The following FBXO6 variants were observed in gnomAD, a reference collection of about 807,000 sequenced individuals.
FBXO6 encodes the protein F-box only protein 6.
Under a neutral mutation model 25.0 loss-of-function variants are expected in FBXO6, and 13 were observed. The ratio of observed to expected loss-of-function variants is 0.52; its 90% confidence interval spans 0.34 to 0.83. The LOEUF is 0.83. FBXO6 is among the 40% of genes least tolerant of loss of function. The pLI, the probability that FBXO6 is intolerant of heterozygous loss-of-function variation, is 0.02. For synonymous variants in FBXO6, 138 were observed against 155.3 expected, an observed-to-expected ratio of 0.89 and a Z score of 0.83; for missense variants, 370 against 380.2, an observed-to-expected ratio of 0.97 and a Z score of 0.22.
At chr1:11,666,854 G>T (rs1557670802) in intron 1 of FBXO6, among the ~76,000 whole-genome samples, 1 of 152,056 alleles carries the variant, frequency 6.6e-6, no homozygotes, top group East Asian at 1.9e-4. Flanking sequence ...ATCAGAAGAG[G>T]CCACAGCAAA....
At chr1:11,670,642 G>C (rs1222088264) in intron 2 of FBXO6, among the ~76,000 whole-genome samples, 6 of 151,444 alleles carry the variant, frequency 4.0e-5, no homozygotes, top group Admixed American at 2.6e-4. Context: ...AAAAAAAGGG[G>C]GGGGGGGTGT....
At position 11,667,505 on chromosome 1, in the gene FBXO6, C is replaced by T. The variant is rs369565006; in HGVS notation, c.-3-1151C>T. ...TTGGTCCTCCTGGCCCTTCCAGGGTCGGGACAGTTACCCCCTCCTTTTCAC... is the reference window on the plus strand; with the variant it reads ...TTGGTCCTCCTGGCCCTTCCAGGGTTGGGACAGTTACCCCCTCCTTTTCAC... On this transcript the variant is annotated intron_variant, in intron 1 of 5. Transcript: ENST00000376753. 3.2e-3 allele frequency among the ~76,000 whole-genome samples: 484 copies of T among 152,270 alleles called. 2 individuals carry two copies. The highest frequency in any genetic ancestry group is 0.011 in the African/African-American group (465 of 41,558).
chr1:11,671,325 C>G lies in FBXO6; in HGVS notation c.346C>G (p.Leu116Val). 1.9e-6 allele frequency: 3 copies of G among 1,614,130 alleles called. No individual in the cohort carries two copies. The highest frequency in any genetic ancestry group is 2.5e-6 in the Non-Finnish European group (3 of 1,180,002). ...TGGGGACCGCTGGAAGGTGGAGAGCCTCCCTGGAGCCCACGGGACAGATTT... is the reference window on the plus strand; with the variant it reads ...TGGGGACCGCTGGAAGGTGGAGAGCGTCCCTGGAGCCCACGGGACAGATTT... ...NGGDRWKVES[L>V]PGAHGTDFPD... Residue 116 changes from leucine to valine, a missense_variant, in exon 3 of 6, where the codon CTC becomes GTC. Physicochemically the swap from Leu to Val is conservative, Grantham distance 32. Transcript: ENST00000376753.
chr1:11,669,504 A>T (rs1037213902), intron 2 of FBXO6, among the ~76,000 whole-genome samples: 2 of 149,294 alleles, frequency 1.3e-5, no homozygotes, highest in African/African-American at 2.5e-5. Flanking sequence ...GAATTTCCTT[A>T]TTTTTTTCTG....
rs574356157 is a variant in FBXO6 at position 11,674,087 on chromosome 1, G to A, written c.*236G>A. 7 of 476,036 alleles carry A rather than the reference G, an allele frequency of 1.5e-5. No individual in the cohort carries two copies. The highest frequency in any genetic ancestry group is 1.2e-3 in the Middle Eastern group (2 of 1,656). 29.5% of individuals were successfully genotyped at this position (476,036 alleles called of 1,614,324 possible). On this transcript the variant is annotated 3_prime_UTR_variant, in exon 6 of 6. Coordinates refer to ENST00000376753, the MANE Select transcript of FBXO6 (RefSeq NM_018438.6). The surrounding 1 kb of genome is among the most constrained non-coding windows in gnomAD (Gnocchi z 6.1). ...TGGGAGACCGAGGCAGGTGGATCACGAGGTCAGGAGATAGAGACCATCCTG... is the reference window on the plus strand; with the variant it reads ...TGGGAGACCGAGGCAGGTGGATCACAAGGTCAGGAGATAGAGACCATCCTG...
intron 1 of FBXO6, among the ~76,000 whole-genome samples, chr1:11,665,124 A>C (rs1182278428): frequency 1.3e-5 from 2 of 151,428 alleles, no homozygotes; most frequent in Non-Finnish European, 2.9e-5. Flanking sequence ...GGCTCACTGC[A>C]GCCTCGACTT....
intron 1 of FBXO6, 155 bp downstream of exon 1, chr1:11,664,410 G>T (rs1321861125): frequency 6.6e-6 from 1 of 151,296 alleles, no homozygotes; most frequent in Non-Finnish European, 1.5e-5. Flanking sequence ...CTGGAGCTCC[G>T]CCGCTGCGCC....
intron 4 of FBXO6, among the ~76,000 whole-genome samples, chr1:11,672,309 C>T (rs190201675): frequency 1.2e-3 from 184 of 151,398 alleles, no homozygotes; most frequent in African/African-American, 3.9e-3. Flanking sequence ...TTTTTTGAGA[C>T]GGAGTCTCGC....
chr1:11,664,570 G>A (rs992395889), intron 1 of FBXO6: 65 of 151,996 alleles, frequency 4.3e-4, no homozygotes, highest in African/African-American at 1.5e-3. Context: ...TGGGGGCCTG[G>A]CCCCGGGGCC....
Position 11,674,001 on chromosome 1 carries a change from T to C in FBXO6, c.*150T>C. ...ACTTACTGTCACATAGCTCTGACGT[T>C]TTGTTGTAATAAATGTTTTCAGGCC... is the stretch of plus-strand genomic sequence containing the variant. On this transcript the variant is annotated 3_prime_UTR_variant, in exon 6 of 6. Coordinates refer to ENST00000376753, the MANE Select transcript of FBXO6 (RefSeq NM_018438.6). This position sits in a 1 kb window ranked among gnomAD's most constrained non-coding sequence, Gnocchi z 6.1. 1 of 679,696 alleles carries C rather than the reference T, an allele frequency of 1.5e-6. No individual in the cohort carries two copies. The highest frequency in any genetic ancestry group is 2.6e-6 in the Non-Finnish European group (1 of 390,568). 42.1% of individuals were successfully genotyped at this position (679,696 alleles called of 1,614,324 possible).
chr1:11,668,956 G>C lies in FBXO6; in HGVS notation c.286+12G>C. Reference sequence around the variant, plus strand: ...CCCGTGTGCTGAAGGTGGCATGGGGGCAGGGTGGAGGCTGCCACCAGGCTC... The same window carrying C: ...CCCGTGTGCTGAAGGTGGCATGGGGCCAGGGTGGAGGCTGCCACCAGGCTC... On this transcript the variant is annotated intron_variant, in intron 2 of 5. Transcript: ENST00000376753. 6.2e-7 allele frequency: 1 copy of C among 1,611,358 alleles called. No homozygotes were observed. The highest frequency in any genetic ancestry group is 8.5e-7 in the Non-Finnish European group (1 of 1,177,854).
intron 1 of FBXO6, 58 bp downstream of exon 1, chr1:11,664,313 C>A (rs1224583625): frequency 2.8e-5 from 4 of 142,414 alleles, no homozygotes; most frequent in Admixed American, 7.0e-5. Flanking sequence ...CAGCGGGGTC[C>A]GGGGCGGGGG....
At chr1:11,670,737 G>C (rs140934965) in intron 2 of FBXO6, among the ~76,000 whole-genome samples, 1 of 151,936 alleles carries the variant, frequency 6.6e-6, no homozygotes, top group Non-Finnish European at 1.5e-5. Context: ...GATTACAGGC[G>C]CAAGCCACCG....
chr1:11,672,118 G>C, intron 4 of FBXO6, 95 bp downstream of exon 4: 1 of 1,123,796 alleles, frequency 8.9e-7, no homozygotes, highest in Non-Finnish European at 1.3e-6. Context: ...TGCCCACTCT[G>C]CACAGCAGTG....
chr1:11,669,203 C>T lies in FBXO6; in HGVS notation c.286+259C>T, dbSNP rs984207267. On this transcript the variant is annotated intron_variant, in intron 2 of 5. Coordinates refer to ENST00000376753, the MANE Select transcript of FBXO6 (RefSeq NM_018438.6). Reference sequence around the variant, plus strand: ...ACTTTTCACAAGGCGCGGTGGCTCACGCCTGTAATCCCGGCACTTTGGGAG... The same window carrying T: ...ACTTTTCACAAGGCGCGGTGGCTCATGCCTGTAATCCCGGCACTTTGGGAG... Among the ~76,000 whole-genome samples the T allele has an allele frequency of 7.2e-5, 11 of 152,330 alleles. 1 individual carries two copies. Among genetic ancestry groups the T allele is most frequent in the South Asian group, 4.1e-4 (2 of 4,828 alleles).
Position 11,673,489 on chromosome 1 carries a change from G to C in FBXO6, c.645+77G>C. 1 of 1,586,432 alleles carries C rather than the reference G, an allele frequency of 6.3e-7. No homozygotes were observed. The highest frequency in any genetic ancestry group is 1.1e-5 in the South Asian group (1 of 87,012). ...GGCAGGAAGCAAAGGGCAGCCTCAG[G>C]GCCCAGGGTGCCCCTGCTGGCCTGG... On this transcript the variant is annotated intron_variant, in intron 5 of 5. Coordinates refer to ENST00000376753, the MANE Select transcript of FBXO6 (RefSeq NM_018438.6). The surrounding 1 kb of genome is among the most constrained non-coding windows in gnomAD (Gnocchi z 4.3).
chr1:11,669,655 C>CAT (rs1400674194), intron 2 of FBXO6, among the ~76,000 whole-genome samples: 6 of 91,924 alleles, frequency 6.5e-5, no homozygotes, highest in African/African-American at 2.1e-4. Flanking sequence ...CACGTGTATA[C>CAT]ATATACACAT....
chr1:11,666,441 GT>G (rs1159306984), intron 1 of FBXO6, among the ~76,000 whole-genome samples: 1 of 151,078 alleles, frequency 6.6e-6, no homozygotes, highest in African/African-American at 2.4e-5. Context: ...GAGTGCAGTG[GT>G]GCAATCTCGG....
intron 2 of FBXO6, among the ~76,000 whole-genome samples, chr1:11,669,647 C>T (rs1311256932): frequency 3.0e-5 from 4 of 135,130 alleles, no homozygotes; most frequent in East Asian, 2.1e-4. Flanking sequence ...CATATATACA[C>T]GTGTATACAT....
Sources: gnomAD v4.1 joint callset for allele counts (sites outside exome capture counted in the v4.1 genomes callset) on GRCh38, gnomAD v4.1.1 for gene constraint, Gnocchi (gnomAD v3.1) non-coding constraint, MANE v1.5 for transcripts, NCBI Gene and HGNC (gene_info 2026-07-23, HGNC 2026-07-21) for gene names.